The following PLXDC2 variants were observed in gnomAD, a reference collection of about 807,000 sequenced individuals.
PLXDC2 encodes plexin domain-containing protein 2.
PLXDC2 carries 40 observed loss-of-function variants against 68.9 expected under a neutral mutation model. The ratio of observed to expected loss-of-function variants is 0.58; its 90% CI spans 0.45 to 0.76. The LOEUF (loss-of-function observed/expected upper bound fraction) is 0.76, where lower values mean the gene tolerates loss of function less well. PLXDC2 is among the 30% of genes least tolerant of loss of function. PLXDC2 has a pLI of 0.00. For missense variants in PLXDC2, 644 were observed against 661.9 expected (o/e 0.97, Z 0.30); for synonymous variants, 243 against 234.2 (o/e 1.04, Z -0.34).
At chr10:20,075,589 G>T in intron 4 of PLXDC2, among the ~76,000 whole-genome samples, 1 of 152,106 alleles carries the variant, frequency 6.6e-6, no homozygotes, top group South Asian at 2.1e-4. Context: ...GCTCCTTGTG[G>T]CAGGGGTGGG....
chr10:20,237,324 A>G (rs1835446543), intron 12 of PLXDC2, among the ~76,000 whole-genome samples: 7 of 152,210 alleles, frequency 4.6e-5, no homozygotes, highest in Admixed American at 4.6e-4. Context: ...CTGGAATAAT[A>G]TTGACAGGCC....
chr10:19,913,931 C>G (rs553735709), intron 1 of PLXDC2, among the ~76,000 whole-genome samples: 1 of 152,146 alleles, frequency 6.6e-6, no homozygotes, highest in South Asian at 2.1e-4. Context: ...GACACACACA[C>G]AGACAAACAC....
chr10:20,014,301 T>C (rs28627784), intron 2 of PLXDC2, among the ~76,000 whole-genome samples: 1 of 141,272 alleles, frequency 7.1e-6, no homozygotes, highest in African/African-American at 2.6e-5. Context: ...CCTTCCTTCC[T>C]TCCCTCGCCC....
intron 2 of PLXDC2, among the ~76,000 whole-genome samples, chr10:20,004,055 A>G (rs1165044615): frequency 2.6e-5 from 4 of 152,200 alleles, no homozygotes; most frequent in Non-Finnish European, 4.4e-5. Context: ...TTACTGCACC[A>G]CAATCCCTGA....
At chr10:20,176,871 A>T in intron 7 of PLXDC2, 128 bp from the exon 8 acceptor site, 1 of 634,976 alleles carries the variant, frequency 1.6e-6, no homozygotes, top group Non-Finnish European at 2.6e-6. Context: ...CAGTCTTCTC[A>T]CAGGATGAGG....
At chr10:19,891,737 C>T (rs1317569819) in intron 1 of PLXDC2, among the ~76,000 whole-genome samples, 4 of 152,166 alleles carry the variant, frequency 2.6e-5, no homozygotes, top group African/African-American at 9.7e-5. Flanking sequence ...AGATTAATTT[C>T]GTTTAGCTGT....
intron 1 of PLXDC2, among the ~76,000 whole-genome samples, chr10:19,860,626 A>C (rs1837301242): frequency 6.6e-6 from 1 of 152,160 alleles, no homozygotes; most frequent in African/African-American, 2.4e-5. Context: ...AGAATAGAAG[A>C]CATGTCTGTT....
intron 1 of PLXDC2, among the ~76,000 whole-genome samples, chr10:19,992,948 C>CGATT (rs1292540809): frequency 1.3e-5 from 2 of 152,104 alleles, no homozygotes; most frequent in Non-Finnish European, 2.9e-5. Flanking sequence ...ATCCTCTGAA[C>CGATT]GATTAATCAG....
chr10:20,256,087 T>C (rs1835738781), intron 13 of PLXDC2, among the ~76,000 whole-genome samples: 1 of 152,112 alleles, frequency 6.6e-6, no homozygotes, highest in Non-Finnish European at 1.5e-5. Context: ...TTTAAATAGA[T>C]GAAAAGCCAT....
At chr10:20,243,708 A>G (rs539099605) in intron 12 of PLXDC2, among the ~76,000 whole-genome samples, 4 of 152,174 alleles carry the variant, frequency 2.6e-5, no homozygotes, top group African/African-American at 7.2e-5. Context: ...TTAATAGACA[A>G]AAAAAGCTTA....
intron 4 of PLXDC2, among the ~76,000 whole-genome samples, chr10:20,084,386 A>G (rs1412986264): frequency 2.0e-5 from 3 of 152,206 alleles, no homozygotes; most frequent in African/African-American, 7.2e-5. Context: ...TCCAAAAAGC[A>G]GGAGGAAGCC....
chr10:20,018,153 A>C (rs950498471), intron 2 of PLXDC2, among the ~76,000 whole-genome samples: 3 of 152,198 alleles, frequency 2.0e-5, no homozygotes, highest in African/African-American at 7.2e-5. Context: ...CCATCTCTCC[A>C]GTGGGCCCCC....
At chr10:20,014,938 A>G (rs995065781) in intron 2 of PLXDC2, among the ~76,000 whole-genome samples, 3 of 152,304 alleles carry the variant, frequency 2.0e-5, no homozygotes, top group Admixed American at 6.5e-5. Context: ...ATTGCAGTAA[A>G]TGGTAAATGG....
intron 1 of PLXDC2, among the ~76,000 whole-genome samples, chr10:19,833,738 A>T (rs1464775274): frequency 6.6e-6 from 1 of 152,194 alleles, no homozygotes; most frequent in Non-Finnish European, 1.5e-5. Flanking sequence ...CTTTTTTTGG[A>T]TAATGATGCT....
At chr10:20,034,847 T>C (rs958633093) in intron 2 of PLXDC2, among the ~76,000 whole-genome samples, 40 of 152,298 alleles carry the variant, frequency 2.6e-4, no homozygotes, top group African/African-American at 7.2e-4. Context: ...GCTGTGCAGG[T>C]GTGTAGCCTA....
At chr10:20,108,940 G>A (rs1290551762) in intron 4 of PLXDC2, among the ~76,000 whole-genome samples, 1 of 152,098 alleles carries the variant, frequency 6.6e-6, no homozygotes, top group East Asian at 1.9e-4. Flanking sequence ...ATTTGTTTAT[G>A]TATAAAATAA....
At chr10:19,906,019 T>C (rs933241373) in intron 1 of PLXDC2, among the ~76,000 whole-genome samples, 2 of 151,502 alleles carry the variant, frequency 1.3e-5, no homozygotes, top group African/African-American at 4.8e-5. Flanking sequence ...ACAACTCAAA[T>C]CTCTGCCTTG....
intron 12 of PLXDC2, among the ~76,000 whole-genome samples, chr10:20,232,499 A>T (rs1285095275): frequency 3.9e-5 from 6 of 152,224 alleles, no homozygotes; most frequent in Non-Finnish European, 7.3e-5. Flanking sequence ...CAACAGAAGA[A>T]TAAACAAATT....
intron 3 of PLXDC2, among the ~76,000 whole-genome samples, chr10:20,059,521 C>A (rs1483582019): frequency 6.6e-6 from 1 of 152,104 alleles, no homozygotes; most frequent in Non-Finnish European, 1.5e-5. Context: ...CATTCAATAG[C>A]CAGGATTAAT....
Sources: gnomAD v4.1 joint callset for allele counts (sites outside exome capture counted in the v4.1 genomes callset) on GRCh38, gnomAD v4.1.1 for gene constraint, MANE v1.5 for transcripts, NCBI Gene and HGNC (gene_info 2026-07-23, HGNC 2026-07-21) for gene names.